Variants in SORCS3 observed in about 807,000 individuals in gnomAD.
SORCS3 encodes the protein VPS10 domain-containing receptor SorCS3.
In SORCS3, 57 loss-of-function variants were observed where a neutral mutation model predicts 146.3. That is an observed-to-expected ratio of 0.39 (90% CI 0.31 to 0.49). SORCS3 has a LOEUF of 0.49. Ranked by LOEUF, SORCS3 falls within the 20% of genes least tolerant of loss-of-function variation. The pLI, the probability that SORCS3 is intolerant of heterozygous loss-of-function variation, is 0.92. For synonymous variants in SORCS3, 653 were observed against 618.5 expected (o/e 1.06, Z -0.83); for missense variants, 1,341 against 1,575.5 (o/e 0.85, Z 2.52).
At chr10:104,718,872 G>T (rs545239185) in intron 1 of SORCS3, among the ~76,000 whole-genome samples, 1 of 152,078 alleles carries the variant, frequency 6.6e-6, no homozygotes, top group Non-Finnish European at 1.5e-5. Context: ...TTGGAAAAAA[G>T]AAAAATTCTG....
chr10:104,696,349 ATCATATATATATC>A (rs1249950489), intron 1 of SORCS3, among the ~76,000 whole-genome samples: 1 of 20 alleles, frequency 0.05, no homozygotes, highest in African/African-American at 0.062. Flanking sequence ...TATGATATAT[ATCATATATATATC>A]ATATATAGTA....
intron 1 of SORCS3, among the ~76,000 whole-genome samples, chr10:104,651,730 C>T (rs1164613774): frequency 6.6e-6 from 1 of 151,866 alleles, no homozygotes; most frequent in Non-Finnish European, 1.5e-5. Context: ...AATGTTAATT[C>T]TCATTTGGAG....
intron 1 of SORCS3, among the ~76,000 whole-genome samples, chr10:104,692,536 A>T (rs530280717): frequency 2.0e-4 from 30 of 152,228 alleles, no homozygotes; most frequent in Non-Finnish European, 4.0e-4. Flanking sequence ...TGGGATGGGC[A>T]TACAGTGGGT....
chr10:104,774,417 C>T (rs1317303505), intron 1 of SORCS3, among the ~76,000 whole-genome samples: 1 of 152,138 alleles, frequency 6.6e-6, no homozygotes, highest in Non-Finnish European at 1.5e-5. Flanking sequence ...GTCGACGCTG[C>T]CATTTCCCCG....
Position 105,105,380 on chromosome 10 carries a change from C to A in SORCS3, c.1094-17C>A, listed in dbSNP as rs749964486. ...TTTTCACTTGTATCTAAGCATCACT[C>A]TACCCTCCTGTTTCAGATGCTCACT... On this transcript the variant is annotated splice_polypyrimidine_tract_variant and intron_variant, in intron 6 of 26. Coordinates refer to ENST00000369701, the MANE Select transcript of SORCS3 (RefSeq NM_014978.3). 4 of 1,558,982 alleles carry A rather than the reference C, an allele frequency of 2.6e-6. No individual in the cohort carries two copies. In the South Asian group the frequency reaches 4.4e-5, roughly 17 times the overall value.
chr10:104,881,890 A>G (rs917811243), intron 2 of SORCS3, among the ~76,000 whole-genome samples: 7 of 152,172 alleles, frequency 4.6e-5, no homozygotes, highest in African/African-American at 1.7e-4. Flanking sequence ...TGGAGACAAT[A>G]CTTAAGGAAT....
intron 4 of SORCS3, among the ~76,000 whole-genome samples, chr10:104,996,448 C>T (rs911602330): frequency 5.3e-5 from 8 of 152,058 alleles, no homozygotes; most frequent in South Asian, 2.1e-4. Flanking sequence ...CTAAACATTG[C>T]GTAAACTTGA....
intron 1 of SORCS3, among the ~76,000 whole-genome samples, chr10:104,696,580 A>T (rs796903192): frequency 1.4e-4 from 8 of 59,098 alleles, no homozygotes; most frequent in Admixed American, 2.8e-4. Flanking sequence ...TATAATATAT[A>T]ATATATATTA....
chr10:104,975,096 A>G (rs961499770), intron 3 of SORCS3, among the ~76,000 whole-genome samples: 8 of 152,100 alleles, frequency 5.3e-5, no homozygotes, highest in Middle Eastern at 3.2e-3. Flanking sequence ...AGGGTATTCA[A>G]TTAGGAAAAG....
chr10:104,936,984 C>T (rs775040029), intron 3 of SORCS3, among the ~76,000 whole-genome samples: 60 of 152,170 alleles, frequency 3.9e-4, no homozygotes, highest in Non-Finnish European at 7.3e-5. Flanking sequence ...GGTCCCCAAC[C>T]TTTTTGGTAC....
At chr10:104,977,132 G>T (rs923558904) in intron 3 of SORCS3, among the ~76,000 whole-genome samples, 2 of 151,930 alleles carry the variant, frequency 1.3e-5, no homozygotes, top group Non-Finnish European at 2.9e-5. Context: ...TATGCTTCTA[G>T]CCTTGCCCCC....
intron 2 of SORCS3, among the ~76,000 whole-genome samples, chr10:104,911,693 T>A (rs1468929010): frequency 1.3e-5 from 2 of 152,226 alleles, no homozygotes; most frequent in African/African-American, 4.8e-5. Flanking sequence ...GTAAACCTCT[T>A]GTGTTAATGA....
At chr10:104,724,724 T>G (rs960237087) in intron 1 of SORCS3, among the ~76,000 whole-genome samples, 11 of 152,248 alleles carry the variant, frequency 7.2e-5, no homozygotes, top group African/African-American at 2.7e-4. Flanking sequence ...ATTTCATTCA[T>G]TTGATCTTCC....
At chr10:104,695,343 G>A (rs962199491) in intron 1 of SORCS3, among the ~76,000 whole-genome samples, 3 of 151,636 alleles carry the variant, frequency 2.0e-5, no homozygotes, top group Non-Finnish European at 2.9e-5. Flanking sequence ...GTTATTTGCT[G>A]GGGGGTTAGG....
chr10:105,214,676 A>C, intron 18 of SORCS3, 63 bp downstream of exon 18: 1 of 1,446,976 alleles, frequency 6.9e-7, no homozygotes, highest in Non-Finnish European at 9.3e-7. Context: ...AGAAGGGAAG[A>C]AGAAGATCTT....
At chr10:105,067,863 C>T (rs2055532160) in intron 5 of SORCS3, among the ~76,000 whole-genome samples, 1 of 151,988 alleles carries the variant, frequency 6.6e-6, no homozygotes, top group Admixed American at 6.6e-5. Flanking sequence ...CCTGACCATC[C>T]TCTGCTGCAT....
rs191603013 is a variant in SORCS3 at position 105,055,464 on chromosome 10, C to T, written c.1028+12336C>T. 4.4e-4 allele frequency among the ~76,000 whole-genome samples: 67 copies of T among 152,272 alleles called. 1 individual carries two copies. In the East Asian group the frequency reaches 0.013, roughly 29 times the overall value. On this transcript the variant is annotated intron_variant, in intron 5 of 26. Coordinates refer to ENST00000369701, the MANE Select transcript of SORCS3 (RefSeq NM_014978.3). ...GTGGCTTTTGGCAGTTGCATTTAAC[C>T]TTTGTGACCAGTGCTCCACCAGTCA...
intron 1 of SORCS3, among the ~76,000 whole-genome samples, chr10:104,822,859 C>T (rs2017890544): frequency 1.3e-5 from 2 of 152,172 alleles, no homozygotes; most frequent in African/African-American, 2.4e-5. Context: ...TTAAAATCTA[C>T]ACCTACCCCA....
chr10:104,933,676 C>T (rs1525395), intron 3 of SORCS3, among the ~76,000 whole-genome samples: 13,018 of 152,290 alleles, frequency 0.085, 720 homozygotes, highest in South Asian at 0.25. Context: ...TGACACGAGC[C>T]GTGTAAATCA....
Sources: gnomAD v4.1 joint callset for allele counts (sites outside exome capture counted in the v4.1 genomes callset) on GRCh38, gnomAD v4.1.1 for gene constraint, MANE v1.5 for transcripts, NCBI Gene and HGNC (gene_info 2026-07-23, HGNC 2026-07-21) for gene names.